PCDHA8: variants seen among roughly 807,000 people sequenced by gnomAD.
PCDHA8 encodes protocadherin alpha-8.
A neutral mutation model predicts 61.8 loss-of-function variants in PCDHA8; 53 were observed. That is an observed-to-expected ratio of 0.86 (90% confidence interval 0.69 to 1.08). The LOEUF (loss-of-function observed/expected upper bound fraction) is 1.08, where lower values mean the gene tolerates loss of function less well. Among genes scored for constraint, PCDHA8 ranks in the 50% least tolerant of loss-of-function variants. The pLI is 0.00. For synonymous variants in PCDHA8, 618 were observed against 556.6 expected (o/e 1.11, Z -1.55); for missense variants, 1,293 against 1,245.0 (o/e 1.04, Z -0.58).
At chr5:140,909,353 T>C (rs2074452823) in intron 1 of PCDHA8, among the ~76,000 whole-genome samples, 1 of 152,156 alleles carries the variant, frequency 6.6e-6, no homozygotes, top group Non-Finnish European at 1.5e-5. Flanking sequence ...CCAAGAGATG[T>C]GTTAATTTGT....
chr5:140,928,251 C>T (rs267600404), intron 1 of PCDHA8: 5 of 1,614,204 alleles, frequency 3.1e-6, no homozygotes, highest in Non-Finnish European at 3.4e-6. Flanking sequence ...AGGAACTTTT[C>T]GTTGCTGAAA....
At chr5:140,983,642 G>A (rs954814692) in intron 3 of PCDHA8, among the ~76,000 whole-genome samples, 3 of 152,174 alleles carry the variant, frequency 2.0e-5, no homozygotes, top group African/African-American at 7.2e-5. Flanking sequence ...CCAAGTTCAC[G>A]TAGCTTGTAA....
intron 1 of PCDHA8, among the ~76,000 whole-genome samples, chr5:140,846,541 AT>A (rs1226302144): frequency 6.8e-6 from 1 of 147,482 alleles, no homozygotes; most frequent in Non-Finnish European, 1.5e-5. Context: ...TGCCCTGCTA[AT>A]TTTTTGTATT....
intron 1 of PCDHA8, among the ~76,000 whole-genome samples, chr5:140,908,191 G>A (rs548195405): frequency 2.6e-5 from 4 of 152,244 alleles, no homozygotes; most frequent in African/African-American, 9.6e-5. Flanking sequence ...TTCAGGTGGT[G>A]GACATATCAT....
intron 1 of PCDHA8, chr5:140,882,766 G>T: frequency 1.2e-6 from 2 of 1,614,184 alleles, no homozygotes; most frequent in South Asian, 2.2e-5. Context: ...GAGTAAACTC[G>T]GCATTGACCT....
chr5:140,861,388 G>T, intron 1 of PCDHA8: 1 of 450,376 alleles, frequency 2.2e-6, no homozygotes, highest in African/African-American at 2.0e-5. Context: ...CAGGACCTGG[G>T]TCTGGAGCTT....
chr5:140,870,078 G>C (rs2051638531), intron 1 of PCDHA8: 1 of 1,613,720 alleles, frequency 6.2e-7, no homozygotes, highest in African/African-American at 1.3e-5. Flanking sequence ...CAGATAAGGG[G>C]ACTCCCCCAA....
intron 1 of PCDHA8, chr5:140,849,906 G>A: frequency 6.3e-7 from 1 of 1,598,336 alleles, no homozygotes; most frequent in Non-Finnish European, 8.6e-7. Flanking sequence ...CAACCCGCCG[G>A]GCTGCCACAT....
At chr5:140,968,211 A>G (rs1039283745) in intron 1 of PCDHA8, 1 of 1,614,002 alleles carries the variant, frequency 6.2e-7, no homozygotes. Context: ...CAGGAGAACA[A>G]TTTGCCAGGT....
At chr5:140,984,576 C>G (rs1309554018) in intron 3 of PCDHA8, among the ~76,000 whole-genome samples, 1 of 152,104 alleles carries the variant, frequency 6.6e-6, no homozygotes, top group African/African-American at 2.4e-5. Context: ...CCATGGCAAC[C>G]TAATCATACT....
Position 140,845,869 on chromosome 5 carries a change from C to T in PCDHA8, c.2394+2154C>T, listed in dbSNP as rs1190017155. On this transcript the variant is annotated intron_variant, in intron 1 of 3. Transcript: ENST00000531613. ...AAAGAAGTTAGTGATTGCAGAAAGG[C>T]AACCTAAAATGTCAGAAAGTCGTTA... is the stretch of plus-strand genomic sequence containing the variant. Among the ~76,000 whole-genome samples the T allele has an allele frequency of 2.0e-5, 3 of 149,586 alleles. 1 individual carries two copies. Among genetic ancestry groups the T allele is most frequent in the Non-Finnish European group, 4.5e-5 (3 of 66,866 alleles).
intron 3 of PCDHA8, among the ~76,000 whole-genome samples, chr5:141,000,634 G>A (rs1554257716): frequency 6.6e-6 from 1 of 150,928 alleles, no homozygotes; most frequent in Non-Finnish European, 1.5e-5. Context: ...CACCATGTTG[G>A]GCAGGCTGGT....
intron 3 of PCDHA8, among the ~76,000 whole-genome samples, chr5:140,984,467 T>G (rs1358469857): frequency 4.6e-5 from 7 of 152,220 alleles, no homozygotes; most frequent in African/African-American, 1.7e-4. Context: ...CCAGCCCCTC[T>G]TGTATAACCC....
intron 1 of PCDHA8, among the ~76,000 whole-genome samples, chr5:140,903,944 A>G (rs1554191212): frequency 6.6e-6 from 1 of 152,192 alleles, no homozygotes; most frequent in African/African-American, 2.4e-5. Context: ...CCTCTTAAAT[A>G]CTGGAAAATT....
intron 1 of PCDHA8, among the ~76,000 whole-genome samples, chr5:140,898,520 G>A (rs1583310662): frequency 6.6e-6 from 1 of 152,298 alleles, no homozygotes; most frequent in East Asian, 1.9e-4. Context: ...CGTTATTTCT[G>A]AGGGCTCTGT....
intron 3 of PCDHA8, among the ~76,000 whole-genome samples, chr5:141,002,328 C>T (rs1421788305): frequency 3.3e-5 from 5 of 152,250 alleles, no homozygotes; most frequent in Admixed American, 6.5e-5. Flanking sequence ...GGCCGGGCTG[C>T]ATCCGCACCC....
At chr5:140,926,143 C>A (rs2082940711) in intron 1 of PCDHA8, among the ~76,000 whole-genome samples, 1 of 152,068 alleles carries the variant, frequency 6.6e-6, no homozygotes, top group African/African-American at 2.4e-5. Context: ...CAGGATCCAG[C>A]GCGGAAAGCT....
chr5:140,981,687 A>ATCAT (rs200213847), intron 2 of PCDHA8, among the ~76,000 whole-genome samples: 1,547 of 152,086 alleles, frequency 0.01, 18 homozygotes, highest in African/African-American at 0.031. Flanking sequence ...CCTCCCTTCC[A>ATCAT]TCATTCATTC....
rs2150413547 is a variant in PCDHA8, at chr5:140,848,594, C to T, written c.2394+4879C>T. On this transcript the variant is annotated intron_variant, in intron 1 of 3. Coordinates refer to ENST00000531613, the MANE Select transcript of PCDHA8 (RefSeq NM_018911.3). The stretch of plus-strand genomic sequence containing the variant: ...TGGTGGGGAGCGGCCAGCTCCACTA[C>T]TCCGTCCCGGAGGAAGCCGAACACG... 3.8e-6 allele frequency: 6 copies of T among 1,594,526 alleles called. 1 individual carries two copies. In the African/African-American group the frequency reaches 4.0e-5, roughly 11 times the overall value.
Sources: gnomAD v4.1 joint callset for allele counts (sites outside exome capture counted in the v4.1 genomes callset) on GRCh38, gnomAD v4.1.1 for gene constraint, MANE v1.5 for transcripts, NCBI Gene and HGNC (gene_info 2026-07-23, HGNC 2026-07-21) for gene names.